Variants in SRGAP2C observed in about 807,000 individuals in gnomAD.
SRGAP2C encodes the protein SLIT-ROBO Rho GTPase activating protein 2C.
A neutral mutation model predicts 25.1 loss-of-function variants in SRGAP2C; 15 were observed. That is an observed-to-expected ratio of 0.60 (90% confidence interval 0.40 to 0.92). SRGAP2C has a LOEUF of 0.92. Among genes scored for constraint, SRGAP2C ranks in the 40% least tolerant of loss-of-function variants. SRGAP2C has a pLI of 0.00. For synonymous variants in SRGAP2C, 44 were observed against 96.6 expected (o/e 0.46, Z 3.19); for missense variants, 144 against 264.4 (o/e 0.54, Z 3.16).
intron 4 of SRGAP2C, among the ~76,000 whole-genome samples, chr1:121,359,693 T>G (rs1368294189): frequency 6.6e-6 from 1 of 152,124 alleles, no homozygotes; most frequent in Non-Finnish European, 1.5e-5. Flanking sequence ...ACGTGACAGT[T>G]GAGCCCAAGA....
chr1:121,345,340 T>G (rs1241485606), intron 4 of SRGAP2C, among the ~76,000 whole-genome samples: 2 of 152,168 alleles, frequency 1.3e-5, no homozygotes, highest in Non-Finnish European at 2.9e-5. Flanking sequence ...TACTAGCTGA[T>G]TTTACCAAGA....
intron 5 of SRGAP2C, among the ~76,000 whole-genome samples, chr1:121,370,424 C>T (rs1238048427): frequency 3.6e-5 from 5 of 138,392 alleles, no homozygotes; most frequent in Non-Finnish European, 6.2e-5. Flanking sequence ...TGGGGCCTCA[C>T]TGTTCTCAGA....
chr1:121,306,363 T>G (rs1657839780), intron 3 of SRGAP2C, among the ~76,000 whole-genome samples: 1 of 133,978 alleles, frequency 7.5e-6, no homozygotes, highest in African/African-American at 2.9e-5. Flanking sequence ...CTGTAGGACA[T>G]TGTTTAGCTT....
chr1:121,257,090 G>A lies in SRGAP2C; in HGVS notation c.68-27713G>A, dbSNP rs1292595567. Among the ~76,000 whole-genome samples, 22 of 15,474 alleles carry A rather than the reference G, an allele frequency of 1.4e-3. 1 individual carries two copies. 10.2% of individuals were successfully genotyped at this position (15,474 alleles called of 152,430 possible). A position where few individuals can be genotyped will look rare whatever the true frequency, so the allele number is the denominator to read the frequency against. On this transcript the variant is annotated intron_variant, in intron 2 of 9. Coordinates refer to ENST00000367123, the MANE Select transcript of SRGAP2C (RefSeq NM_001329984.2). ...CTTCCCTTCCAGGGGTCTTCTCATT[G>A]CCTTCTTTTTAATTTTTTAAATTTA...
chr1:121,283,808 T>C (rs1264704299), intron 2 of SRGAP2C, among the ~76,000 whole-genome samples: 1 of 151,860 alleles, frequency 6.6e-6, no homozygotes, highest in Non-Finnish European at 1.5e-5. Flanking sequence ...CAGTCTGGCT[T>C]TGGCATACTG....
chr1:121,284,092 T>C (rs1657308691), intron 2 of SRGAP2C, among the ~76,000 whole-genome samples: 3 of 152,028 alleles, frequency 2.0e-5, no homozygotes, highest in Admixed American at 6.6e-5. Context: ...CCAAGTCTTC[T>C]TAAAAAATGA....
intron 2 of SRGAP2C, among the ~76,000 whole-genome samples, chr1:121,236,638 C>T (rs1435119959): frequency 2.6e-5 from 4 of 152,094 alleles, no homozygotes; most frequent in South Asian, 2.1e-4. Flanking sequence ...TTCCTGGGTT[C>T]TAAAGAATCC....
At chr1:121,375,078 C>T in intron 7 of SRGAP2C, 124 bp downstream of exon 7, 5 of 621,952 alleles carry the variant, frequency 8.0e-6, no homozygotes, top group Middle Eastern at 2.9e-4. Context: ...AAGATAGCAG[C>T]CATGATCCAT....
At chr1:121,361,770 CT>C (rs200946200) in intron 4 of SRGAP2C, 1 of 148,058 alleles carries the variant, frequency 6.8e-6, no homozygotes, top group African/African-American at 2.5e-5. Flanking sequence ...ATTTAGGCAT[CT>C]TTTTTTTTTT....
chr1:121,211,458 C>CACGCAT (rs1655254778), intron 2 of SRGAP2C, among the ~76,000 whole-genome samples: 1 of 139,394 alleles, frequency 7.2e-6, no homozygotes, highest in Non-Finnish European at 1.6e-5. Context: ...CACACACACA[C>CACGCAT]ACATCTTACC....
intron 2 of SRGAP2C, among the ~76,000 whole-genome samples, chr1:121,188,799 T>A (rs1168499441): frequency 6.8e-6 from 1 of 147,854 alleles, no homozygotes; most frequent in Non-Finnish European, 1.5e-5. Context: ...ACCTACAGGA[T>A]CTTTTTTACG....
chr1:121,290,817 TAA>T (rs1412287473), intron 3 of SRGAP2C, among the ~76,000 whole-genome samples: 4 of 38,130 alleles, frequency 1.0e-4, no homozygotes, highest in Admixed American at 3.2e-4. Flanking sequence ...ACCCTGTGTC[TAA>T]AAAAAAAAAA....
intron 2 of SRGAP2C, among the ~76,000 whole-genome samples, chr1:121,272,520 A>G (rs1165444764): frequency 6.6e-6 from 1 of 151,864 alleles, no homozygotes; most frequent in Non-Finnish European, 1.5e-5. Context: ...CTCTTTCCCA[A>G]CACATACACC....
intron 2 of SRGAP2C, among the ~76,000 whole-genome samples, chr1:121,191,889 T>C (rs1194682170): frequency 6.9e-6 from 1 of 144,462 alleles, no homozygotes; most frequent in Non-Finnish European, 1.5e-5. Context: ...ACATTAGGGG[T>C]CTTGTCTTTT....
intron 3 of SRGAP2C, among the ~76,000 whole-genome samples, chr1:121,315,234 C>G (rs1390063090): frequency 6.6e-6 from 1 of 151,926 alleles, no homozygotes; most frequent in African/African-American, 2.4e-5. Context: ...GCCTGAAGCT[C>G]CTGGGCTCAC....
intron 3 of SRGAP2C, among the ~76,000 whole-genome samples, chr1:121,306,142 C>G (rs1657831636): frequency 6.6e-6 from 1 of 151,720 alleles, no homozygotes; most frequent in Non-Finnish European, 1.5e-5. Context: ...AAATAATTCA[C>G]CAGCTTGCAA....
intron 4 of SRGAP2C, among the ~76,000 whole-genome samples, chr1:121,345,765 C>T (rs1299157515): frequency 6.7e-6 from 1 of 148,606 alleles, no homozygotes; most frequent in African/African-American, 2.5e-5. Flanking sequence ...GATTCTCTTG[C>T]CTCAGCCTCC....
At chr1:121,309,207 G>C (rs1362069847) in intron 3 of SRGAP2C, among the ~76,000 whole-genome samples, 4 of 106,708 alleles carry the variant, frequency 3.7e-5, no homozygotes, top group Non-Finnish European at 7.7e-5. Flanking sequence ...CACCTTGTTT[G>C]ATTGGATCTT....
chr1:121,249,576 ATATATTTTTTT>A (rs1379576912), intron 2 of SRGAP2C, among the ~76,000 whole-genome samples: 28 of 21,498 alleles, frequency 1.3e-3, no homozygotes, highest in African/African-American at 5.4e-3. Flanking sequence ...ATATATATAT[ATATATTTTTTT>A]TTTTTTTTTT....
Sources: gnomAD v4.1 joint callset for allele counts (sites outside exome capture counted in the v4.1 genomes callset) on GRCh38, gnomAD v4.1.1 for gene constraint, MANE v1.5 for transcripts, NCBI Gene and HGNC (gene_info 2026-07-23, HGNC 2026-07-21) for gene names.